CAPN15: variants seen among roughly 807,000 people sequenced by gnomAD.
CAPN15 encodes the protein calpain 15.
Under a neutral mutation model 97.9 loss-of-function variants are expected in CAPN15, and 53 were observed. The observed-to-expected ratio is 0.54, with a 90% CI of 0.43 to 0.68. The LOEUF is 0.68. Among genes scored for constraint, CAPN15 ranks in the 30% least tolerant of loss-of-function variants. The pLI, the probability that CAPN15 is intolerant of heterozygous loss-of-function variation, is 0.00. For synonymous variants in CAPN15, 922 were observed against 722.5 expected (o/e 1.28, Z -4.43); for missense variants, 1,592 against 1,589.8 (o/e 1.00, Z -0.02).
rs541395912 is a variant in CAPN15 at position 551,858 on chromosome 16, C to A, written c.2346-193C>A. 3 of 970,856 alleles carry A rather than the reference C, an allele frequency of 3.1e-6. No individual in the cohort carries two copies. The East Asian group carries it at 7.8e-5, about 25-fold the overall frequency. 60.1% of individuals were successfully genotyped at this position (970,856 alleles called of 1,614,324 possible). A position where few individuals can be genotyped will look rare whatever the true frequency, so the allele number is the denominator to read the frequency against. ...CCACCCAGGTCAGCAGATTCCAGCG[C>A]CCTGAAGAGCCGGCCCTGGAGGGCT... On this transcript the variant is annotated intron_variant, in intron 9 of 13. Coordinates refer to ENST00000219611, the MANE Select transcript of CAPN15 (RefSeq NM_005632.3).
In CAPN15 at chr16:547,231, G is replaced by T; in HGVS notation, c.393G>T (p.Lys131Asn). The T allele has an allele frequency of 6.6e-7, 1 of 1,517,510 alleles. No homozygotes were observed. 94.0% of individuals were successfully genotyped at this position (1,517,510 alleles called of 1,614,324 possible). ...GCGAGGACAAGGACGAGGAGGAGAAGGAGGAGCAGGAGGAGGAGGAGGGAG... is the reference window on the plus strand; with the variant it reads ...GCGAGGACAAGGACGAGGAGGAGAATGAGGAGCAGGAGGAGGAGGAGGGAG... ...GQCEDKDEEE[K>N]EEQEEEEGAA... is the part of the protein sequence containing the mutation. The change falls in exon 4 of 14, where the codon AAG (lysine) becomes AAT (asparagine). Residue 131 changes from lysine (K) to asparagine (N), a missense_variant. By Grantham distance (94) the Lys-to-Asn change is moderately conservative. This residue lies in a region of CAPN15 where 883 missense variants were observed against 776.6 expected (regional missense o/e 1.14). Transcript: ENST00000219611.
chr16:547,964 G>T lies in CAPN15; in HGVS notation c.1126G>T (p.Glu376Ter). The T allele has an allele frequency of 6.3e-7, 1 of 1,587,318 alleles. No individual in the cohort carries two copies. The highest frequency in any genetic ancestry group is 8.6e-7 in the Non-Finnish European group (1 of 1,168,506). ...SKLHGFQEHGEPPTHCPDCGA... is the reference protein window; with the variant it reads ...SKLHGFQEHG ...ACTGCACGGCTTCCAGGAGCATGGC[G>T]AGCCCCCCACCCACTGCCCCGACTG... Residue 376 changes from glutamate (E) to a stop codon, truncating the protein, a stop_gained, in exon 4 of 14, where the codon GAG becomes TAG. Coordinates refer to ENST00000219611, the MANE Select transcript of CAPN15 (RefSeq NM_005632.3). LOFTEE classifies it high-confidence loss of function.
At position 528,021 on chromosome 16, in the gene CAPN15, G is replaced by C. The variant is rs947858095; in HGVS notation, c.-198G>C. ...CGCGAGGACGAGGCGGCGCCGCCGG[G>C]CTGTGGAGGTGAGTCCCGTCGGCCG... On this transcript the variant is annotated 5_prime_UTR_variant, in exon 1 of 14. Coordinates refer to ENST00000219611, the MANE Select transcript of CAPN15 (RefSeq NM_005632.3). 14 of 144,594 alleles carry C rather than the reference G, an allele frequency of 9.7e-5. No homozygotes were observed. Among genetic ancestry groups the C allele is most frequent in the African/African-American group, 3.2e-4 (13 of 40,396 alleles). 9.0% of individuals were successfully genotyped at this position (144,594 alleles called of 1,614,324 possible).
chr16:546,549 C>T (rs995751995), intron 3 of CAPN15, among the ~76,000 whole-genome samples: 5 of 152,216 alleles, frequency 3.3e-5, no homozygotes, highest in Non-Finnish European at 7.3e-5. Flanking sequence ...AACAGCAGCC[C>T]GGCTGTGGGG....
intron 3 of CAPN15, chr16:537,172 T>G (rs2033794105): frequency 1.0e-6 from 1 of 985,362 alleles, no homozygotes; most frequent in Non-Finnish European, 1.2e-6. Context: ...GGGAGGGGAC[T>G]GTGCTGTCCC....
At chr16:530,199 C>T (rs1276906166) in intron 1 of CAPN15, among the ~76,000 whole-genome samples, 1 of 152,206 alleles carries the variant, frequency 6.6e-6, no homozygotes, top group Non-Finnish European at 1.5e-5. Context: ...GTCCCTGGCT[C>T]CCCACTGTGG....
chr16:548,110 C>G lies in CAPN15; in HGVS notation c.1272C>G (p.Leu424=), dbSNP rs2034728358. The change falls in exon 4 of 14, where the codon CTC becomes CTG. Residue 424 remains leucine (L), a synonymous_variant. Transcript: ENST00000219611. ...GGGCCTGCCCTGCCTGTACCCTGCTCAACGCACTGCGGGCCAAGCACTGCG... is the reference window on the plus strand; with the variant it reads ...GGGCCTGCCCTGCCTGTACCCTGCTGAACGCACTGCGGGCCAAGCACTGCG... ...GQWACPACTL[L]NALRAKHCAA... is the part of the protein sequence containing the mutation. The G allele has an allele frequency of 6.5e-7, 1 of 1,537,672 alleles. No homozygotes were observed. Among genetic ancestry groups the G allele is most frequent in the South Asian group, 1.2e-5 (1 of 81,324 alleles).
intron 7 of CAPN15, among the ~76,000 whole-genome samples, chr16:550,239 G>A (rs551451976): frequency 9.9e-5 from 15 of 152,094 alleles, no homozygotes; most frequent in African/African-American, 3.4e-4. Flanking sequence ...GGGCCTCCTC[G>A]GAGTGCCCCG....
intron 3 of CAPN15, among the ~76,000 whole-genome samples, chr16:545,853 G>A (rs998701596): frequency 2.0e-5 from 3 of 152,220 alleles, no homozygotes; most frequent in South Asian, 2.1e-4. Flanking sequence ...CAGGCCGGAC[G>A]CCTGGGCTGT....
At chr16:543,335 G>A (rs1033893577) in intron 3 of CAPN15, 3 of 154,456 alleles carry the variant, frequency 1.9e-5, no homozygotes, top group African/African-American at 4.8e-5. Flanking sequence ...GATCCCCAGG[G>A]ACTGGCCTGG....
Position 552,081 on chromosome 16 carries a change from G to A in CAPN15, c.2376G>A (p.Val792=), listed in dbSNP as rs1424280565. The stretch of plus-strand genomic sequence containing the variant: ...TCGACTCCGTGGACATCTGTAAGGT[G>A]CACTCGGACTGGCAGGAGGCGCGGG... ...RYFDSVDICK[V]HSDWQEARVQ... is the part of the protein sequence containing the mutation. Residue 792 remains valine (V), a synonymous_variant, in exon 10 of 14, where the codon GTG becomes GTA. Transcript: ENST00000219611. This position sits in a 1 kb window ranked among gnomAD's most constrained non-coding sequence, Gnocchi z 6.4. 3.2e-6 allele frequency: 5 copies of A among 1,549,258 alleles called. No individual in the cohort carries two copies. The Admixed American group carries it at 7.8e-5, about 24-fold the overall frequency.
At chr16:542,216 C>T (rs570041554) in intron 3 of CAPN15, among the ~76,000 whole-genome samples, 18 of 152,368 alleles carry the variant, frequency 1.2e-4, no homozygotes, top group South Asian at 1.0e-3. Context: ...ACTGCTTCCA[C>T]GTGGCTTCTG....
At chr16:536,189 T>G in intron 3 of CAPN15, 47 bp downstream of exon 3, 1 of 519,252 alleles carries the variant, frequency 1.9e-6, no homozygotes, top group Non-Finnish European at 2.5e-6. Flanking sequence ...GCAGGCCCTG[T>G]CCCTGCTGTC....
At position 548,249 on chromosome 16, in the gene CAPN15, A is replaced by G; in HGVS notation, c.1411A>G (p.Lys471Glu). The change falls in exon 4 of 14, where the codon AAG (lysine) becomes GAG (glutamate). Residue 471 changes from lysine (K) to glutamate (E), a missense_variant. Around this residue, in one of 3 missense-constraint regions of CAPN15, gnomAD observed 883 missense variants for 776.6 expected, o/e 1.14. Coordinates refer to ENST00000219611, the MANE Select transcript of CAPN15 (RefSeq NM_005632.3). ...QRRQTDEGEA[K>E]ALWENIVAFC... ...GCGGCAGACAGACGAGGGCGAGGCC[A>G]AGGCACTCTGGGAGAACATCGTGGC... The G allele has an allele frequency of 6.5e-7, 1 of 1,547,660 alleles. No individual in the cohort carries two copies. Among genetic ancestry groups the G allele is most frequent in the Non-Finnish European group, 8.7e-7 (1 of 1,148,372 alleles).
rs550345424 is a variant in CAPN15 at position 537,437 on chromosome 16, T to C, written c.-23+1295T>C. 5.4e-5 allele frequency: 53 copies of C among 985,490 alleles called. No individual in the cohort carries two copies. In the African/African-American group the frequency reaches 8.7e-4, roughly 16 times the overall value. The allele number at this position is 985,490 out of a possible 1,614,324, so 61.0% of individuals were successfully genotyped here. ...CGCGTGACCCCAGGTGCCACGTGGG[T>C]GAGTGCGTGGGTGGGTGAGTGGCGA... On this transcript the variant is annotated intron_variant, in intron 3 of 13. Coordinates refer to ENST00000219611, the MANE Select transcript of CAPN15 (RefSeq NM_005632.3).
rs1328659803 is a variant in CAPN15 at position 547,177 on chromosome 16, G to C, written c.339G>C (p.Leu113=). 1.3e-6 allele frequency: 2 copies of C among 1,537,208 alleles called. No homozygotes were observed. The highest frequency in any genetic ancestry group is 1.7e-6 in the Non-Finnish European group (2 of 1,146,356). ...CAGGTCCAGTGAGGACTGCGGGGCT[G>C]GTGGCCACGGAGCCCGCCAGGGGGC... ...EEAGPVRTAG[L]VATEPARGQC... is the part of the protein sequence containing the mutation. Residue 113 remains leucine (L), a synonymous_variant, in exon 4 of 14, where the codon CTG becomes CTC. Transcript: ENST00000219611.
intron 1 of CAPN15, among the ~76,000 whole-genome samples, chr16:532,733 GT>G (rs2033360287): frequency 6.7e-6 from 1 of 150,284 alleles, no homozygotes. Flanking sequence ...GGCGCCTGTA[GT>G]CCCAGCTACT....
At chr16:541,910 C>T (rs112320492) in intron 3 of CAPN15, among the ~76,000 whole-genome samples, 3 of 71,768 alleles carry the variant, frequency 4.2e-5, no homozygotes, top group African/African-American at 1.8e-4. Context: ...GGCCACAGGA[C>T]GTGGCTGGCT....
intron 9 of CAPN15, 97 bp downstream of exon 9, chr16:551,761 T>C (rs1031047681): frequency 6.7e-7 from 1 of 1,491,916 alleles, no homozygotes; most frequent in Non-Finnish European, 9.1e-7. Context: ...TGACCTGGGG[T>C]GGGGCGGCTT....
Sources: gnomAD v4.1 joint callset for allele counts (sites outside exome capture counted in the v4.1 genomes callset) on GRCh38, gnomAD v4.1.1 for gene constraint, gnomAD v4.1.1 regional missense constraint, Gnocchi (gnomAD v3.1) non-coding constraint, MANE v1.5 for transcripts, NCBI Gene and HGNC (gene_info 2026-07-23, HGNC 2026-07-21) for gene names.